The following IQSEC1 variants were observed in gnomAD, a reference collection of about 807,000 sequenced individuals.
The protein encoded by IQSEC1 is IQ motif and SEC7 domain-containing protein 1.
Under a neutral mutation model 91.0 loss-of-function variants are expected in IQSEC1, and 31 were observed. The ratio of observed to expected loss-of-function variants is 0.34; its 90% CI spans 0.26 to 0.46. IQSEC1 has a LOEUF of 0.46. Ranked by LOEUF, IQSEC1 falls within the 20% of genes least tolerant of loss-of-function variation. The pLI, the probability that IQSEC1 is intolerant of heterozygous loss-of-function variation, is 1.00. For missense variants in IQSEC1, 1,388 were observed against 1,575.6 expected, an observed-to-expected ratio of 0.88 and a Z score of 2.02; for synonymous variants, 699 against 662.6, an observed-to-expected ratio of 1.05 and a Z score of -0.84.
chr3:13,234,041 G>A (rs898374469), intron 1 of IQSEC1, among the ~76,000 whole-genome samples: 2 of 152,216 alleles, frequency 1.3e-5, no homozygotes, highest in Non-Finnish European at 2.9e-5. Flanking sequence ...TGCCACTTCC[G>A]GGATCCCAGT....
rs547785063 is a variant in IQSEC1, at chr3:13,216,575, C to T, written c.273-52442G>A. On this transcript the variant is annotated intron_variant, in intron 1 of 15. Transcript: ENST00000648114. ...TGCAGAGGGGAGCTGTGGCTGGGGACAGGGGGACCGCAGGAGGGGCTAGAG... is the reference window on the plus strand; with the variant it reads ...TGCAGAGGGGAGCTGTGGCTGGGGATAGGGGGACCGCAGGAGGGGCTAGAG... 4.6e-5 allele frequency among the ~76,000 whole-genome samples: 7 copies of T among 152,288 alleles called. No homozygotes were observed. In the South Asian group the frequency reaches 1.4e-3, roughly 32 times the overall value.
intron 1 of IQSEC1, among the ~76,000 whole-genome samples, chr3:13,007,540 T>G (rs1702690644): frequency 6.6e-6 from 1 of 152,272 alleles, no homozygotes. Flanking sequence ...GCGAGTCACT[T>G]GGCTTGCCTC....
At chr3:13,052,763 T>G (rs1259759481) in intron 1 of IQSEC1, among the ~76,000 whole-genome samples, 1 of 146,684 alleles carries the variant, frequency 6.8e-6, no homozygotes, top group Non-Finnish European at 1.5e-5. Context: ...GCCATGTCTG[T>G]TTTTTTTTTT....
At position 12,994,961 on chromosome 3, in the gene IQSEC1, G is replaced by C. The variant is rs1702167161; in HGVS notation, c.24-53096C>G. The C allele has an allele frequency of 1.3e-5, 2 of 152,558 alleles. No individual in the cohort carries two copies. The highest frequency in any genetic ancestry group is 4.1e-4 in the South Asian group (2 of 4,838). 9.5% of individuals were successfully genotyped at this position (152,558 alleles called of 1,614,324 possible). On this transcript the variant is annotated intron_variant, in intron 1 of 13. Transcript: ENST00000613206. The surrounding 1 kb of genome is among the most constrained non-coding windows in gnomAD (Gnocchi z 4.5). Reference sequence around the variant, plus strand: ...GATATGGGCGGGAGCGCGCCCGCGGGGGTGCACCTAAGGAGAAAGCGAGGA... The same window carrying C: ...GATATGGGCGGGAGCGCGCCCGCGGCGGTGCACCTAAGGAGAAAGCGAGGA...
intron 2 of IQSEC1, among the ~76,000 whole-genome samples, chr3:13,147,077 T>C (rs756016719): frequency 2.0e-5 from 3 of 152,090 alleles, no homozygotes; most frequent in Non-Finnish European, 4.4e-5. Flanking sequence ...CCTCTGCAGG[T>C]TGGAAGGTAA....
chr3:13,251,614 A>G (rs200564836), intron 1 of IQSEC1, among the ~76,000 whole-genome samples: 1 of 152,234 alleles, frequency 6.6e-6, no homozygotes, highest in East Asian at 1.9e-4. Flanking sequence ...AGACTGAAAT[A>G]TGCCAGCTCA....
At chr3:13,114,376 C>T (rs1027695159) in intron 2 of IQSEC1, among the ~76,000 whole-genome samples, 8 of 152,140 alleles carry the variant, frequency 5.3e-5, no homozygotes, top group African/African-American at 1.9e-4. Flanking sequence ...GGTGAATGTT[C>T]CCACAGGGAG....
chr3:12,915,515 G>C, intron 7 of IQSEC1, 79 bp downstream of exon 7: 1 of 1,487,392 alleles, frequency 6.7e-7, no homozygotes, highest in Non-Finnish European at 9.3e-7. Flanking sequence ...GAGTGGGGTG[G>C]GTGGGAGTGA....
chr3:13,220,950 C>T (rs1336012676), intron 1 of IQSEC1, among the ~76,000 whole-genome samples: 2 of 152,236 alleles, frequency 1.3e-5, no homozygotes, highest in South Asian at 2.1e-4. Context: ...ATTTCTCAAA[C>T]CGGCTTCAAG....
At chr3:13,192,863 C>T (rs1465593137) in intron 1 of IQSEC1, among the ~76,000 whole-genome samples, 1 of 152,258 alleles carries the variant, frequency 6.6e-6, no homozygotes, top group Non-Finnish European at 1.5e-5. Flanking sequence ...TTCTGCTTTG[C>T]AGATTCACCT....
At chr3:13,248,988 C>T (rs1220142358) in intron 1 of IQSEC1, among the ~76,000 whole-genome samples, 19 of 152,092 alleles carry the variant, frequency 1.2e-4, no homozygotes, top group Admixed American at 1.0e-3. Context: ...CGCCCCAGTC[C>T]GTGCTCCTGA....
upstream of IQSEC1, among the ~76,000 whole-genome samples, chr3:13,074,923 G>T (rs1351941868): frequency 6.6e-6 from 1 of 152,248 alleles, no homozygotes; most frequent in East Asian, 1.9e-4. Context: ...AGTGGCAGAG[G>T]TGGGACTAGG....
At chr3:13,015,767 A>G in intron 1 of IQSEC1, 1 of 982,974 alleles carries the variant, frequency 1.0e-6, no homozygotes, top group Non-Finnish European at 1.2e-6. Flanking sequence ...GCCCCCGCCC[A>G]CCTGCCCTCC....
intron 2 of IQSEC1, among the ~76,000 whole-genome samples, chr3:13,104,555 A>C (rs113925494): frequency 2.0e-5 from 3 of 152,216 alleles, no homozygotes; most frequent in South Asian, 2.1e-4. Flanking sequence ...CGGAACAGGG[A>C]CCACCTGGGT....
chr3:13,093,822 CT>C (rs1262329777), intron 2 of IQSEC1, among the ~76,000 whole-genome samples: 1 of 152,196 alleles, frequency 6.6e-6, no homozygotes, highest in Non-Finnish European at 1.5e-5. Flanking sequence ...AGGTCTCCCC[CT>C]GTCCGTTCTC....
intron 1 of IQSEC1, among the ~76,000 whole-genome samples, chr3:12,996,227 A>T (rs1358506472): frequency 6.6e-6 from 1 of 152,198 alleles, no homozygotes; most frequent in Non-Finnish European, 1.5e-5. Context: ...TTTAATATTT[A>T]AAAATGCAGT....
At position 12,994,505 on chromosome 3, in the gene IQSEC1, G is replaced by A. The variant is rs939224673; in HGVS notation, c.24-52640C>T. On this transcript the variant is annotated intron_variant, in intron 1 of 13. Transcript: ENST00000613206. This position sits in a 1 kb window ranked among gnomAD's most constrained non-coding sequence, Gnocchi z 4.5. ...CCAGGCGCGGAACCGGGGGCACTGCGACCCCCGGCATTTCCCTCAGACTAC... is the reference window on the plus strand; with the variant it reads ...CCAGGCGCGGAACCGGGGGCACTGCAACCCCCGGCATTTCCCTCAGACTAC... 2.0e-5 allele frequency among the ~76,000 whole-genome samples: 3 copies of A among 152,200 alleles called. No homozygotes were observed. Among genetic ancestry groups the A allele is most frequent in the Admixed American group, 1.3e-4 (2 of 15,308 alleles).
At chr3:12,961,613 C>T (rs1700245959) in intron 1 of IQSEC1, among the ~76,000 whole-genome samples, 1 of 152,180 alleles carries the variant, frequency 6.6e-6, no homozygotes, top group South Asian at 2.1e-4. Context: ...CTCTTTTAAC[C>T]CTGGTCCTGT....
At chr3:13,264,299 C>T (rs1160755433) in intron 1 of IQSEC1, among the ~76,000 whole-genome samples, 1 of 152,186 alleles carries the variant, frequency 6.6e-6, no homozygotes, top group African/African-American at 2.4e-5. Context: ...CTCACTAGGC[C>T]CTGACCTGCC....
Sources: gnomAD v4.1 joint callset for allele counts (sites outside exome capture counted in the v4.1 genomes callset) on GRCh38, gnomAD v4.1.1 for gene constraint, Gnocchi (gnomAD v3.1) non-coding constraint, MANE v1.5 for transcripts, NCBI Gene and HGNC (gene_info 2026-07-23, HGNC 2026-07-21) for gene names.